The following DTX1 variants were observed in gnomAD, a reference collection of about 807,000 sequenced individuals.
DTX1 encodes the protein E3 ubiquitin-protein ligase DTX1.
Under a neutral mutation model 57.8 loss-of-function variants are expected in DTX1, and 26 were observed. The observed-to-expected ratio is 0.45, with a 90% CI of 0.33 to 0.62. DTX1 has a LOEUF of 0.62. Ranked by LOEUF, DTX1 falls within the 20% of genes least tolerant of loss-of-function variation. DTX1 has a pLI of 0.02. For missense variants in DTX1, 704 were observed against 895.3 expected, an observed-to-expected ratio of 0.79 and a Z score of 2.73; for synonymous variants, 398 against 394.1, an observed-to-expected ratio of 1.01 and a Z score of -0.12.
intron 2 of DTX1, among the ~76,000 whole-genome samples, chr12:113,076,170 A>T (rs1033475079): frequency 3.9e-5 from 6 of 152,136 alleles, no homozygotes; most frequent in Non-Finnish European, 8.8e-5. Flanking sequence ...TAAAAAAAGC[A>T]TAAGGGGCCC....
intron 2 of DTX1, among the ~76,000 whole-genome samples, chr12:113,064,972 C>G (rs962355210): frequency 3.3e-5 from 5 of 152,142 alleles, no homozygotes; most frequent in African/African-American, 1.2e-4. Flanking sequence ...GTGGAGGAAA[C>G]AGCAGGGGTC....
intron 2 of DTX1, among the ~76,000 whole-genome samples, chr12:113,060,324 C>T (rs565967238): frequency 3.9e-5 from 6 of 152,164 alleles, no homozygotes; most frequent in Admixed American, 6.5e-5. Context: ...GGAGGACCTA[C>T]ACTGAAGGTC....
intron 6 of DTX1, 39 bp from the exon 7 acceptor site, chr12:113,094,750 C>T: frequency 6.3e-7 from 1 of 1,597,836 alleles, no homozygotes; most frequent in African/African-American, 1.3e-5. Flanking sequence ...AGGTGCCCTG[C>T]CCTCCCCAGT....
rs201473015 is a variant in DTX1, at chr12:113,094,862, G to A, written c.1301G>A (p.Arg434Gln). The change falls in exon 7 of 10, where the codon CGG becomes CAG. Residue 434 changes from arginine to glutamine, a missense_variant. Transcript: ENST00000548759. ...GGCGTGCTTCGGCACAAGGGCGTGC[G>A]GCCTGAGCTCGTGGGCCGCCTGGGC... Reference protein sequence around the residue: ...YEGVLRHKGVRPELVGRLGRC... With the variant: ...YEGVLRHKGVQPELVGRLGRC... The A allele has an allele frequency of 2.5e-6, 4 of 1,613,658 alleles. No homozygotes were observed. Among genetic ancestry groups the A allele is most frequent in the Admixed American group, 3.3e-5 (2 of 59,996 alleles).
At chr12:113,091,237 A>G (rs1950245057) in intron 3 of DTX1, among the ~76,000 whole-genome samples, 1 of 149,636 alleles carries the variant, frequency 6.7e-6, no homozygotes, top group Admixed American at 6.6e-5. Context: ...CCGTGTGTGC[A>G]CAAGTCTCTG....
At chr12:113,058,515 T>C in intron 2 of DTX1, 64 bp downstream of exon 2, 1 of 1,532,946 alleles carries the variant, frequency 6.5e-7, no homozygotes, top group Non-Finnish European at 8.7e-7. Context: ...CAGCGTAGGA[T>C]GCTGAAAATC....
chr12:113,060,783 C>T (rs1228221217), intron 2 of DTX1, among the ~76,000 whole-genome samples: 1 of 152,196 alleles, frequency 6.6e-6, no homozygotes, highest in African/African-American at 2.4e-5. Flanking sequence ...CTGTTTTCTC[C>T]TAGGGGTAGA....
At chr12:113,087,156 T>C (rs559974138) in intron 3 of DTX1, among the ~76,000 whole-genome samples, 3 of 152,136 alleles carry the variant, frequency 2.0e-5, no homozygotes, top group African/African-American at 7.2e-5. Context: ...CCCATACCTC[T>C]AGATAAATCT....
chr12:113,073,005 C>T (rs564714553), intron 2 of DTX1, among the ~76,000 whole-genome samples: 1 of 152,276 alleles, frequency 6.6e-6, no homozygotes, highest in Admixed American at 6.5e-5. Flanking sequence ...CTGCACCTGG[C>T]TCGACCCGAG....
At chr12:113,086,700 T>TA (rs373646477) in intron 3 of DTX1, among the ~76,000 whole-genome samples, 8 of 151,992 alleles carry the variant, frequency 5.3e-5, no homozygotes, top group Non-Finnish European at 1.2e-4. Context: ...CTTTTATTTT[T>TA]AAAAAATCCA....
chr12:113,095,427 C>A lies in DTX1; in HGVS notation c.1638+13C>A. On this transcript the variant is annotated intron_variant, in intron 9 of 9. Transcript: ENST00000548759. ...GAAAGGCCGGAAGGTGGGTGCCCAGCCGTGAGGGCATGGGAGATAGGCACA... is the reference window on the plus strand; with the variant it reads ...GAAAGGCCGGAAGGTGGGTGCCCAGACGTGAGGGCATGGGAGATAGGCACA... 1 of 1,614,088 alleles carries A rather than the reference C, an allele frequency of 6.2e-7. No homozygotes were observed. The highest frequency in any genetic ancestry group is 8.5e-7 in the Non-Finnish European group (1 of 1,180,034).
At chr12:113,090,438 A>G (rs928100723) in intron 3 of DTX1, among the ~76,000 whole-genome samples, 3 of 152,208 alleles carry the variant, frequency 2.0e-5, no homozygotes, top group Admixed American at 1.3e-4. Context: ...GAAAATCAAG[A>G]CACCTCCACT....
Position 113,077,504 on chromosome 12 carries a change from G to A in DTX1, c.340G>A (p.Asp114Asn), listed in dbSNP as rs2044781182. 1.9e-6 allele frequency: 3 copies of A among 1,610,296 alleles called. No individual in the cohort carries two copies. The highest frequency in any genetic ancestry group is 2.5e-6 in the Non-Finnish European group (3 of 1,179,824). The stretch of plus-strand genomic sequence containing the variant: ...GGGCATCGTGTGGGAGTGGGAGAAC[G>A]ACGGCGGCGCATGGACGGCCTACGA... ...GKGIVWEWEN[D>N]GGAWTAYDMD... is the part of the protein sequence containing the mutation. Residue 114 changes from aspartate to asparagine, a missense_variant, in exon 3 of 10, where the codon GAC becomes AAC. Coordinates refer to ENST00000548759, the MANE Select transcript of DTX1 (RefSeq NM_004416.3). This position sits in a 1 kb window ranked among gnomAD's most constrained non-coding sequence, Gnocchi z 7.8.
At chr12:113,085,549 T>G (rs773182515) in intron 3 of DTX1, among the ~76,000 whole-genome samples, 7 of 152,360 alleles carry the variant, frequency 4.6e-5, no homozygotes, top group Admixed American at 2.6e-4. Flanking sequence ...TTTCTTTGGC[T>G]TATCCTTCCC....
intron 3 of DTX1, among the ~76,000 whole-genome samples, chr12:113,081,876 AT>A (rs1451191185): frequency 6.6e-6 from 1 of 151,988 alleles, no homozygotes; most frequent in South Asian, 2.1e-4. Context: ...GGGGGCTGAG[AT>A]TTTTTACCCC....
intron 2 of DTX1, among the ~76,000 whole-genome samples, chr12:113,062,216 T>C (rs2044670109): frequency 6.6e-6 from 1 of 152,236 alleles, no homozygotes; most frequent in Non-Finnish European, 1.5e-5. Context: ...CTAGCTTTGC[T>C]AGTTTCCCAA....
chr12:113,088,771 A>G (rs1343791805), intron 3 of DTX1, among the ~76,000 whole-genome samples: 1 of 152,154 alleles, frequency 6.6e-6, no homozygotes, highest in Non-Finnish European at 1.5e-5. Context: ...AGGGAGGACT[A>G]CTTGAGCCCA....
chr12:113,061,259 C>T (rs58489579), intron 2 of DTX1, among the ~76,000 whole-genome samples: 38 of 152,108 alleles, frequency 2.5e-4, no homozygotes, highest in Non-Finnish European at 5.1e-4. Flanking sequence ...TGCCAGGAAC[C>T]CCCTCCCACC....
chr12:113,090,888 G>A (rs1950242422), intron 3 of DTX1, among the ~76,000 whole-genome samples: 1 of 152,226 alleles, frequency 6.6e-6, no homozygotes, highest in South Asian at 2.1e-4. Flanking sequence ...GTCAGAGCAT[G>A]TGCGCATGTG....
Sources: gnomAD v4.1 joint callset for allele counts (sites outside exome capture counted in the v4.1 genomes callset) on GRCh38, gnomAD v4.1.1 for gene constraint, Gnocchi (gnomAD v3.1) non-coding constraint, MANE v1.5 for transcripts, NCBI Gene and HGNC (gene_info 2026-07-23, HGNC 2026-07-21) for gene names.